The following MTHFD1L variants were observed in gnomAD, a reference collection of about 807,000 sequenced individuals.
The protein encoded by MTHFD1L is monofunctional C1-tetrahydrofolate synthase, mitochondrial.
A neutral mutation model predicts 119.5 loss-of-function variants in MTHFD1L; 81 were observed. The ratio of observed to expected loss-of-function variants is 0.68; its 90% CI spans 0.57 to 0.82. MTHFD1L has a LOEUF of 0.82. Among genes scored for constraint, MTHFD1L ranks in the 40% least tolerant of loss-of-function variants. MTHFD1L has a pLI of 0.00. For missense variants in MTHFD1L, 1,125 were observed against 1,253.4 expected (o/e 0.90, Z 1.55); for synonymous variants, 430 against 475.2 (o/e 0.90, Z 1.24).
intron 7 of MTHFD1L, among the ~76,000 whole-genome samples, chr6:150,890,408 G>A (rs955978674): frequency 6.6e-6 from 1 of 152,220 alleles, no homozygotes; most frequent in Middle Eastern, 3.4e-3. Flanking sequence ...AGGTTCAAGG[G>A]AGACAGGGGC....
chr6:151,057,261 CT>C (rs1790084731), intron 26 of MTHFD1L: 1 of 985,110 alleles, frequency 1.0e-6, no homozygotes, highest in Non-Finnish European at 1.2e-6. Context: ...ATGTTCTTCG[CT>C]GAAATCAACC....
chr6:150,996,034 C>G (rs141209443), intron 20 of MTHFD1L, among the ~76,000 whole-genome samples: 1 of 152,122 alleles, frequency 6.6e-6, no homozygotes, highest in Non-Finnish European at 1.5e-5. Flanking sequence ...ACAAAAAATG[C>G]TCATCCCTGC....
At chr6:150,877,543 A>G in intron 2 of MTHFD1L, 91 bp from the exon 3 acceptor site, 1 of 1,373,140 alleles carries the variant, frequency 7.3e-7, no homozygotes, top group Non-Finnish European at 1.0e-6. Flanking sequence ...TTGTAATTAG[A>G]TCATCTGTAA....
At chr6:151,088,955 A>G (rs1199878683) in intron 26 of MTHFD1L, among the ~76,000 whole-genome samples, 1 of 152,220 alleles carries the variant, frequency 6.6e-6, no homozygotes, top group Non-Finnish European at 1.5e-5. Context: ...GCAGTAAATT[A>G]TGTTATCTGC....
intron 1 of MTHFD1L, among the ~76,000 whole-genome samples, chr6:150,867,983 A>G (rs1778718520): frequency 6.6e-6 from 1 of 151,646 alleles, no homozygotes; most frequent in Non-Finnish European, 1.5e-5. Context: ...TTTTGAGTAA[A>G]GACAGGATGT....
intron 24 of MTHFD1L, chr6:151,016,761 T>A (rs1783123464): frequency 5.5e-6 from 2 of 362,360 alleles, no homozygotes; most frequent in African/African-American, 2.3e-5. Context: ...AAATTTACTA[T>A]CTTAGCCTTT....
chr6:150,997,021 G>T (rs1386488959), intron 20 of MTHFD1L, among the ~76,000 whole-genome samples: 1 of 152,098 alleles, frequency 6.6e-6, no homozygotes, highest in African/African-American at 2.4e-5. Flanking sequence ...GGCTGAGATG[G>T]GTCCAAAGGG....
chr6:151,063,775 G>A (rs1000783092), intron 26 of MTHFD1L, among the ~76,000 whole-genome samples: 1 of 152,070 alleles, frequency 6.6e-6, no homozygotes, highest in Non-Finnish European at 1.5e-5. Context: ...ACATCCAAAT[G>A]TCAAGAATGG....
Position 150,877,655 on chromosome 6 carries a change from C to G in MTHFD1L, c.334C>G (p.Gln112Glu). The G allele has an allele frequency of 1.9e-6, 3 of 1,614,144 alleles. No individual in the cohort carries two copies. The highest frequency in any genetic ancestry group is 2.5e-6 in the Non-Finnish European group (3 of 1,180,020). ...IIQAGDDNLMQEINQNLAEEA... is the reference protein window; with the variant it reads ...IIQAGDDNLMEEINQNLAEEA... Reference sequence around the variant, plus strand: ...TAAGGCAGGTGACGACAACTTGATGCAGGAAATCAACCAGAATTTGGCTGA... The same window carrying G: ...TAAGGCAGGTGACGACAACTTGATGGAGGAAATCAACCAGAATTTGGCTGA... Residue 112 changes from glutamine (Q) to glutamate (E), a missense_variant, in exon 3 of 28, where the codon CAG becomes GAG. Physicochemically the swap from Gln to Glu is conservative, Grantham distance 29 (BLOSUM62 2). Around this residue, in one of 3 missense-constraint regions of MTHFD1L, gnomAD observed 1,058 missense variants for 1,151.2 expected, o/e 0.92. Coordinates refer to ENST00000367321, the MANE Select transcript of MTHFD1L (RefSeq NM_015440.5).
intron 19 of MTHFD1L, among the ~76,000 whole-genome samples, chr6:150,969,852 G>A (rs1024150681): frequency 1.1e-4 from 16 of 152,138 alleles, no homozygotes; most frequent in Admixed American, 4.6e-4. Context: ...CCGTGTCATC[G>A]ATTTCATTTA....
In MTHFD1L at chr6:150,902,786, C is replaced by T. The variant is rs150321935; in HGVS notation, c.781-2864C>T. Among the ~76,000 whole-genome samples, 342 of 152,280 alleles carry T rather than the reference C, an allele frequency of 2.2e-3. 1 individual carries two copies. The highest frequency in any genetic ancestry group is 7.6e-3 in the African/African-American group (315 of 41,576). On this transcript the variant is annotated intron_variant, in intron 7 of 27. Transcript: ENST00000367321. Reference sequence around the variant, plus strand: ...AGAACAGGTTGTATCAAAGACACCACGTGTAGGAAACTAACTGTTCTTAGG... The same window carrying T: ...AGAACAGGTTGTATCAAAGACACCATGTGTAGGAAACTAACTGTTCTTAGG...
chr6:150,950,459 G>A (rs4551175), intron 16 of MTHFD1L, among the ~76,000 whole-genome samples: 46,489 of 152,086 alleles, frequency 0.31, 7,628 homozygotes, highest in East Asian at 0.46. Context: ...ACAAAGACCA[G>A]AGACTGAGCG....
At chr6:151,017,562 G>T (rs1466065773) in intron 24 of MTHFD1L, among the ~76,000 whole-genome samples, 1 of 151,966 alleles carries the variant, frequency 6.6e-6, no homozygotes, top group African/African-American at 2.4e-5. Context: ...CGTCAGGCTG[G>T]TCTCAAACTC....
In MTHFD1L at chr6:151,012,029, A is replaced by C. The variant is rs1433153228; in HGVS notation, c.2266-1750A>C. Among the ~76,000 whole-genome samples, 694 of 134,336 alleles carry C rather than the reference A, an allele frequency of 5.2e-3. 9 individuals are homozygous for C. Among genetic ancestry groups the C allele is most frequent in the African/African-American group, 0.017 (609 of 35,112 alleles). The allele number at this position is 134,336 out of a possible 152,430, so 88.1% of individuals were successfully genotyped here. Reference sequence around the variant, plus strand: ...CAACAACAACAACAACAAAAAAAAAAAAAAAAAAAAAAAAAAAAAAAACCA... The same window carrying C: ...CAACAACAACAACAACAAAAAAAAACAAAAAAAAAAAAAAAAAAAAAACCA... On this transcript the variant is annotated intron_variant, in intron 21 of 27. Coordinates refer to ENST00000367321, the MANE Select transcript of MTHFD1L (RefSeq NM_015440.5).
intron 26 of MTHFD1L, among the ~76,000 whole-genome samples, chr6:151,081,881 G>A (rs12526703): frequency 0.27 from 40,893 of 151,696 alleles, 5,615 homozygotes; most frequent in South Asian, 0.44. Context: ...CAGATCGGCT[G>A]AGTGAAAGCA....
At chr6:151,075,712 C>T (rs1193637613) in intron 26 of MTHFD1L, among the ~76,000 whole-genome samples, 1 of 152,136 alleles carries the variant, frequency 6.6e-6, no homozygotes, top group African/African-American at 2.4e-5. Context: ...TATTCTGAGT[C>T]ACAAAATGTC....
intron 24 of MTHFD1L, among the ~76,000 whole-genome samples, chr6:151,033,800 C>A (rs1261710647): frequency 6.6e-6 from 1 of 152,112 alleles, no homozygotes; most frequent in African/African-American, 2.4e-5. Context: ...ATACTATGAA[C>A]CCGTATTCAG....
At chr6:150,897,566 G>A (rs376361102) in intron 7 of MTHFD1L, among the ~76,000 whole-genome samples, 20 of 152,272 alleles carry the variant, frequency 1.3e-4, no homozygotes, top group African/African-American at 2.4e-4. Flanking sequence ...CCTCCATGAC[G>A]CTTGTGTTAC....
At position 151,075,824 on chromosome 6, in the gene MTHFD1L, A is replaced by G. The variant is rs962822828; in HGVS notation, c.2848-16643A>G. Among the ~76,000 whole-genome samples, 4 of 152,254 alleles carry G rather than the reference A, an allele frequency of 2.6e-5. No homozygotes were observed. In the East Asian group the frequency reaches 7.7e-4, roughly 29 times the overall value. On this transcript the variant is annotated intron_variant, in intron 26 of 27. Coordinates refer to ENST00000367321, the MANE Select transcript of MTHFD1L (RefSeq NM_015440.5). ...TGAAAGACATCTGGAAACACTCCAA[A>G]TATTTGGAAATAAGCTACAGAGTGG...
Sources: gnomAD v4.1 joint callset for allele counts (sites outside exome capture counted in the v4.1 genomes callset) on GRCh38, gnomAD v4.1.1 for gene constraint, gnomAD v4.1.1 regional missense constraint, MANE v1.5 for transcripts, NCBI Gene and HGNC (gene_info 2026-07-23, HGNC 2026-07-21) for gene names.